The following KATNAL2 variants were observed in gnomAD, a reference collection of about 807,000 sequenced individuals.
KATNAL2 encodes katanin catalytic subunit A1 like 2.
A neutral mutation model predicts 76.3 loss-of-function variants in KATNAL2; 52 were observed. That is an observed-to-expected ratio of 0.68 (90% CI 0.55 to 0.86). The LOEUF (loss-of-function observed/expected upper bound fraction) is 0.86. Ranked by LOEUF, KATNAL2 falls within the 40% of genes least tolerant of loss-of-function variation. KATNAL2 has a pLI of 0.00. For synonymous variants in KATNAL2, 243 were observed against 244.2 expected (o/e 1.00, Z 0.05); for missense variants, 660 against 668.9 (o/e 0.99, Z 0.15).
chr18:47,099,045 TTCCC>T (rs2063365504), intron 15 of KATNAL2, 194 bp from the exon 16 acceptor site: 2 of 441,974 alleles, frequency 4.5e-6, no homozygotes, highest in Middle Eastern at 5.2e-4. Flanking sequence ...CTTCCCTTCC[TTCCC>T]TCCCTCAGTT....
rs2063439585 is a variant in KATNAL2 at position 47,101,595 on chromosome 18, T to TTC, written c.*592_*593dup. 1 of 154,640 alleles carries TTC rather than the reference T, an allele frequency of 6.5e-6. No individual in the cohort carries two copies. Among genetic ancestry groups the TTC allele is most frequent in the African/African-American group, 2.4e-5 (1 of 41,450 alleles). 9.6% of individuals were successfully genotyped at this position (154,640 alleles called of 1,614,324 possible). A position where few individuals can be genotyped will look rare whatever the true frequency, so the allele number is the denominator to read the frequency against. On this transcript the variant is annotated 3_prime_UTR_variant, in exon 18 of 18. Coordinates refer to ENST00000683218, the MANE Select transcript of KATNAL2 (RefSeq NM_001387690.1). ...CCCCACTCAGAAATGTCACTGAGCA[T>TTC]TCTGATGCTAGAGCTAATAGCCAGG...
intron 15 of KATNAL2, among the ~76,000 whole-genome samples, chr18:47,086,275 AT>A (rs2062767810): frequency 6.6e-6 from 1 of 151,810 alleles, no homozygotes; most frequent in Non-Finnish European, 1.5e-5. Flanking sequence ...TGATGAATGC[AT>A]TTTTCATTGC....
intron 8 of KATNAL2, 119 bp downstream of exon 8, chr18:47,059,773 G>T: frequency 4.1e-6 from 3 of 730,330 alleles, no homozygotes; most frequent in Non-Finnish European, 6.9e-6. Flanking sequence ...TTTGAAGGTT[G>T]GCTGTGAGGT....
At chr18:47,037,536 G>T (rs1464635864) in intron 3 of KATNAL2, among the ~76,000 whole-genome samples, 2 of 151,962 alleles carry the variant, frequency 1.3e-5, no homozygotes, top group Admixed American at 6.6e-5. Flanking sequence ...CTCATTCTTA[G>T]TTTTTTTTAA....
At chr18:47,035,441 T>A (rs1569058227) in intron 3 of KATNAL2, 1 of 1,368,160 alleles carries the variant, frequency 7.3e-7, no homozygotes. Context: ...CCACTTGGTC[T>A]GGAACGGCCG....
At chr18:47,076,745 T>C (rs1224843187) in intron 14 of KATNAL2, among the ~76,000 whole-genome samples, 1 of 149,656 alleles carries the variant, frequency 6.7e-6, no homozygotes, top group East Asian at 1.9e-4. Flanking sequence ...ATATAGCAAA[T>C]ATATGGGCAA....
chr18:47,085,266 A>T (rs2062720486), intron 15 of KATNAL2, among the ~76,000 whole-genome samples: 1 of 152,164 alleles, frequency 6.6e-6, no homozygotes, highest in South Asian at 2.1e-4. Context: ...CTTTTGCAAA[A>T]ATTATATAAC....
In KATNAL2 at chr18:47,100,892, T is replaced by G. The variant is rs373628714; in HGVS notation, c.1504T>G (p.Leu502Val). Reference sequence around the variant, plus strand: ...AAGCAGCGACTTACCCAGGATCCAGTTGGATATAGTAACCACTGCCGACTT... The same window carrying G: ...AAGCAGCGACTTACCCAGGATCCAGGTGGATATAGTAACCACTGCCGACTT... The part of the protein sequence containing the change: ...SESSDLPRIQ[L>V]DIVTTADFLD... The change falls in exon 18 of 18, where the codon TTG becomes GTG. Residue 502 changes from leucine (L) to valine (V), a missense_variant. Leu to Val is a conservative substitution (Grantham distance 32, BLOSUM62 1). Transcript: ENST00000683218. The G allele has an allele frequency of 1.2e-6, 2 of 1,614,178 alleles. No homozygotes were observed. The highest frequency in any genetic ancestry group is 1.1e-5 in the South Asian group (1 of 91,074).
intron 3 of KATNAL2, chr18:47,033,242 C>CTGGCTTGATCTCCCCATTTTCGGGGT: frequency 6.2e-7 from 1 of 1,613,790 alleles, no homozygotes; most frequent in East Asian, 2.2e-5. Context: ...GGCTTGGAGG[C>CTGGCTTGATCTCCCCATTTTCGGGGT]TGGCTTGATC....
chr18:46,933,428 A>C (rs959664242), intron 1 of KATNAL2, among the ~76,000 whole-genome samples: 6 of 152,290 alleles, frequency 3.9e-5, no homozygotes, highest in Admixed American at 6.5e-5. Context: ...CTCCATATTT[A>C]ATATGAGGCC....
intron 3 of KATNAL2, among the ~76,000 whole-genome samples, chr18:46,961,777 C>G (rs1020305113): frequency 6.6e-6 from 1 of 152,108 alleles, no homozygotes; most frequent in Non-Finnish European, 1.5e-5. Context: ...CAAGGCCAGT[C>G]TATTTTGATA....
chr18:47,032,609 G>A (rs1236531666), intron 3 of KATNAL2: 2 of 282,426 alleles, frequency 7.1e-6, no homozygotes, highest in Admixed American at 5.0e-5. Flanking sequence ...AGTTATCAGT[G>A]TCAACTAATG....
At chr18:47,060,184 A>T (rs929006030) in intron 8 of KATNAL2, among the ~76,000 whole-genome samples, 6 of 151,980 alleles carry the variant, frequency 3.9e-5, no homozygotes, top group African/African-American at 1.4e-4. Flanking sequence ...TTTTCTAGAG[A>T]TGGGGTCTCA....
chr18:46,943,279 CAGCAACTCAATCTTGAATAGA>C (rs1219364633), intron 1 of KATNAL2, among the ~76,000 whole-genome samples: 1 of 152,166 alleles, frequency 6.6e-6, no homozygotes, highest in Non-Finnish European at 1.5e-5. Flanking sequence ...ATTTGAACTA[CAGCAACTCAATCTTGAATAGA>C]AGCTGGGTAA....
intron 1 of KATNAL2, among the ~76,000 whole-genome samples, chr18:46,923,326 T>G (rs568530943): frequency 8.6e-5 from 13 of 150,394 alleles, no homozygotes; most frequent in African/African-American, 3.2e-4. Context: ...TGGTGTTTGG[T>G]TTTTTGTCCT....
At chr18:46,934,314 C>T (rs1247961158) in intron 1 of KATNAL2, among the ~76,000 whole-genome samples, 3 of 152,142 alleles carry the variant, frequency 2.0e-5, no homozygotes, top group Non-Finnish European at 4.4e-5. Context: ...CACCTGTTGT[C>T]TCCTGACTTT....
rs558886712 is a variant in KATNAL2, at chr18:47,094,946, T to G, written c.1212-4297T>G. ...TATGCAAATTGGCAATCAAACCCCCTATTTTCAACCCAGCCTCACCCTCAC... is the reference window on the plus strand; with the variant it reads ...TATGCAAATTGGCAATCAAACCCCCGATTTTCAACCCAGCCTCACCCTCAC... On this transcript the variant is annotated intron_variant, in intron 15 of 17. Transcript: ENST00000683218. Among the ~76,000 whole-genome samples the G allele has an allele frequency of 2.0e-5, 3 of 152,234 alleles. No homozygotes were observed. The South Asian group carries it at 6.2e-4, about 32-fold the overall frequency.
intron 4 of KATNAL2, among the ~76,000 whole-genome samples, chr18:47,049,779 A>G (rs1169384860): frequency 2.0e-5 from 3 of 152,204 alleles, no homozygotes; most frequent in Non-Finnish European, 4.4e-5. Context: ...CAGTTGCCCA[A>G]TCATGGCTCA....
intron 3 of KATNAL2, among the ~76,000 whole-genome samples, chr18:47,037,784 A>G (rs2060829359): frequency 6.6e-6 from 1 of 152,124 alleles, no homozygotes; most frequent in South Asian, 2.1e-4. Context: ...TAAAAATCAC[A>G]TTATTATTTT....
Sources: allele counts gnomAD v4.1 joint callset (sites outside exome capture counted in the v4.1 genomes callset), GRCh38; gene constraint gnomAD v4.1.1; transcripts MANE v1.5; gene names NCBI Gene and HGNC (gene_info 2026-07-23, HGNC 2026-07-21).